The following LBP variants were observed in gnomAD, a reference collection of about 807,000 sequenced individuals.
LBP encodes lipopolysaccharide binding protein, also known as lipopolysaccharide-binding protein.
A neutral mutation model predicts 56.6 loss-of-function variants in LBP; 53 were observed. The observed-to-expected ratio is 0.94, with a 90% CI of 0.75 to 1.18. The LOEUF (loss-of-function observed/expected upper bound fraction) is 1.18. LBP is among the 50% of genes most tolerant of loss of function. The probability of loss-of-function intolerance (pLI) is 0.00; values close to 1 mark genes in which losing one functional copy is unlikely to be tolerated. For missense variants in LBP, 601 were observed against 598.3 expected, an observed-to-expected ratio of 1.00 and a Z score of -0.05; for synonymous variants, 227 against 247.5, an observed-to-expected ratio of 0.92 and a Z score of 0.78.
intron 10 of LBP, 60 bp downstream of exon 10, chr20:38,369,222 C>T: frequency 6.6e-7 from 1 of 1,508,952 alleles, no homozygotes; most frequent in Non-Finnish European, 9.0e-7. Flanking sequence ...TTCCCTTTTC[C>T]CCACATGCTT....
chr20:38,364,726 C>G lies in LBP; in HGVS notation c.895C>G (p.Leu299Val), dbSNP rs771059573. 6.2e-7 allele frequency: 1 copy of G among 1,612,686 alleles called. No individual in the cohort carries two copies. The highest frequency in any genetic ancestry group is 8.5e-7 in the Non-Finnish European group (1 of 1,179,192). The change falls in exon 8 of 15, where the codon CTG (leucine) becomes GTG (valine). Residue 299 changes from leucine (L) to valine (V), a missense_variant. Coordinates refer to ENST00000217407, the MANE Select transcript of LBP (RefSeq NM_004139.5). ...ASLVYHEEGYLNFSITDDMIP... is the reference protein window; with the variant it reads ...ASLVYHEEGYVNFSITDDMIP... Reference sequence around the variant, plus strand: ...CCTGGTTTATCATGAGGAAGGATATCTGAACTTCTCCATCACAGATGACAT... The same window carrying G: ...CCTGGTTTATCATGAGGAAGGATATGTGAACTTCTCCATCACAGATGACAT...
chr20:38,360,198 G>A (rs1009156312), intron 5 of LBP, among the ~76,000 whole-genome samples: 2 of 151,340 alleles, frequency 1.3e-5, no homozygotes, highest in Non-Finnish European at 2.9e-5. Context: ...GTTCACCCAG[G>A]AGGGTGAGCC....
chr20:38,374,077 G>A, intron 14 of LBP, 64 bp downstream of exon 14: 2 of 1,525,864 alleles, frequency 1.3e-6, no homozygotes, highest in Middle Eastern at 2.0e-4. Flanking sequence ...TGCTAGCTTT[G>A]GGGCCATGAT....
In LBP at chr20:38,354,427, C is replaced by T. The variant is rs775716904; in HGVS notation, c.512C>T (p.Ser171Leu). The T allele has an allele frequency of 1.4e-5, 22 of 1,611,554 alleles. No individual in the cohort carries two copies. Among genetic ancestry groups the T allele is most frequent in the Middle Eastern group, 1.6e-4 (1 of 6,068 alleles). The change falls in exon 4 of 15, where the codon TCG (serine) becomes TTG (leucine). Residue 171 changes from serine to leucine, a missense_variant. Ser to Leu is a moderately radical substitution (Grantham distance 145). Coordinates refer to ENST00000217407, the MANE Select transcript of LBP (RefSeq NM_004139.5). ...ATCGCTGACGTGGAGGTGGACATGTCGGGAGACTTGGGGTAGGTCTCCATC... is the reference window on the plus strand; with the variant it reads ...ATCGCTGACGTGGAGGTGGACATGTTGGGAGACTTGGGGTAGGTCTCCATC... ...SDIADVEVDM[S>L]GDLGWLLNLF... is the part of the protein sequence containing the mutation.
At chr20:38,370,505 G>A (rs1568835806) in intron 10 of LBP, among the ~76,000 whole-genome samples, 1 of 152,060 alleles carries the variant, frequency 6.6e-6, no homozygotes, top group Admixed American at 6.6e-5. Flanking sequence ...TCTGTTCAAA[G>A]TTTAACTGCT....
chr20:38,373,813 T>C lies in LBP; in HGVS notation c.1325-124T>C, dbSNP rs144349857. 61 of 819,428 alleles carry C rather than the reference T, an allele frequency of 7.4e-5. No homozygotes were observed. In the African/African-American group the frequency reaches 9.1e-4, roughly 12 times the overall value. The allele number at this position is 819,428 out of a possible 1,614,324, so 50.8% of individuals were successfully genotyped here. ...AAGAATAATCACACCTACCTCATAG[T>C]CTTGGAAATCACTAAATGGGAATAT... On this transcript the variant is annotated intron_variant, in intron 13 of 14. Coordinates refer to ENST00000217407, the MANE Select transcript of LBP (RefSeq NM_004139.5).
In LBP at chr20:38,371,299, G is replaced by T. The variant is rs768703079; in HGVS notation, c.1237G>T (p.Glu413Ter). 7 of 1,610,616 alleles carry T rather than the reference G, an allele frequency of 4.3e-6. No individual in the cohort carries two copies. Among genetic ancestry groups the T allele is most frequent in the Non-Finnish European group, 5.9e-6 (7 of 1,177,224 alleles). The change falls in exon 12 of 15, where the codon GAA becomes TAA. Residue 413 changes from glutamate (E) to a stop codon, truncating the protein, a stop_gained. Transcript: ENST00000217407. LOFTEE classifies it high-confidence loss of function. ...KPGKVKVELK[E>*]SKVGLFNAEL... ...TTACAGGGTAAAAGTGGAACTGAAA[G>T]AATCCAAAGTTGGACTATTCAATGT...
chr20:38,362,171 G>A (rs113123454), intron 6 of LBP, among the ~76,000 whole-genome samples: 15 of 146,180 alleles, frequency 1.0e-4, no homozygotes, highest in African/African-American at 3.6e-4. Flanking sequence ...CCATTCTCCT[G>A]TCTCAGCCTC....
chr20:38,354,358 C>A lies in LBP; in HGVS notation c.443C>A (p.Ser148Tyr). The change falls in exon 4 of 15, where the codon TCC becomes TAC. Residue 148 changes from serine (S) to tyrosine (Y), a missense_variant. By Grantham distance (144) the Ser-to-Tyr change is moderately radical (BLOSUM62 -2). Coordinates refer to ENST00000217407, the MANE Select transcript of LBP (RefSeq NM_004139.5). ...GTCAACCTCCTGTTGGGCAGCGAGT[C>A]CTCCGGGAGGCCCACAGTTACTGCC... Reference protein sequence around the residue: ...ISVNLLLGSESSGRPTVTASS... With the variant: ...ISVNLLLGSEYSGRPTVTASS... 1.2e-6 allele frequency: 2 copies of A among 1,613,734 alleles called. No homozygotes were observed. Among genetic ancestry groups the A allele is most frequent in the African/African-American group, 1.3e-5 (1 of 75,038 alleles).
chr20:38,357,900 G>C (rs2076846851), intron 5 of LBP, among the ~76,000 whole-genome samples: 1 of 152,166 alleles, frequency 6.6e-6, no homozygotes, highest in African/African-American at 2.4e-5. Context: ...ATGTCTTTTA[G>C]CATGCCAATG....
At chr20:38,369,897 G>A (rs2076895391) in intron 10 of LBP, among the ~76,000 whole-genome samples, 1 of 152,188 alleles carries the variant, frequency 6.6e-6, no homozygotes, top group African/African-American at 2.4e-5. Flanking sequence ...TAATAGGGAA[G>A]GGATGTTGGG....
At chr20:38,370,645 T>C in intron 10 of LBP, 93 bp from the exon 11 acceptor site, 1 of 1,133,890 alleles carries the variant, frequency 8.8e-7, no homozygotes, top group Non-Finnish European at 1.3e-6. Context: ...TTGAGCTGTT[T>C]GTTGAGAGGA....
At position 38,374,041 on chromosome 20, in the gene LBP, A is replaced by T. The variant is rs1444828138; in HGVS notation, c.1401+28A>T. ...CGGTGGGTTCAGGGGGGCTCTGAGG[A>T]TGTGTGAGGGAGGAGGTGGTTTGCA... On this transcript the variant is annotated intron_variant, in intron 14 of 14. Transcript: ENST00000217407. 3 of 1,606,078 alleles carry T rather than the reference A, an allele frequency of 1.9e-6. No individual in the cohort carries two copies. In the South Asian group the frequency reaches 3.3e-5, roughly 18 times the overall value.
In LBP at chr20:38,363,958, C is replaced by G. The variant is rs763870354; in HGVS notation, c.653-17C>G. ...AGTGTCATCTGGCCCCTAATTCTGC[C>G]CTGTCCTCATTCACAGTTACAACAG... On this transcript the variant is annotated splice_polypyrimidine_tract_variant and intron_variant, in intron 6 of 14. Transcript: ENST00000217407. 27 of 1,591,198 alleles carry G rather than the reference C, an allele frequency of 1.7e-5. No homozygotes were observed. Among genetic ancestry groups the G allele is most frequent in the Middle Eastern group, 1.7e-4 (1 of 6,038 alleles).
chr20:38,373,234 T>C, intron 13 of LBP, 99 bp downstream of exon 13: 3 of 1,023,106 alleles, frequency 2.9e-6, no homozygotes, highest in South Asian at 2.6e-5. Flanking sequence ...GGGGGCTGTA[T>C]GACCGTGGGC....
At chr20:38,349,429 C>T (rs890912488) in intron 1 of LBP, 119 bp from the exon 2 acceptor site, 56 of 727,638 alleles carry the variant, frequency 7.7e-5, no homozygotes, top group Middle Eastern at 2.5e-4. Flanking sequence ...TGTCATTGTA[C>T]TTAATGCTAA....
Position 38,354,406 on chromosome 20 carries a change from C to T in LBP, c.491C>T (p.Ala164Val), listed in dbSNP as rs2122600060. 1 of 1,613,176 alleles carries T rather than the reference C, an allele frequency of 6.2e-7. No individual in the cohort carries two copies. The highest frequency in any genetic ancestry group is 8.5e-7 in the Non-Finnish European group (1 of 1,179,842). Residue 164 changes from alanine to valine, a missense_variant, in exon 4 of 15, where the codon GCT becomes GTT. By Grantham distance (64) the Ala-to-Val change is moderately conservative. Coordinates refer to ENST00000217407, the MANE Select transcript of LBP (RefSeq NM_004139.5). ...GCCTCCAGCTGCAGCAGTGACATCG[C>T]TGACGTGGAGGTGGACATGTCGGGA... is the stretch of plus-strand genomic sequence containing the variant. Reference protein sequence around the residue: ...VTASSCSSDIADVEVDMSGDL... With the variant: ...VTASSCSSDIVDVEVDMSGDL...
At chr20:38,350,700 G>A in intron 2 of LBP, 111 bp from the exon 3 acceptor site, 1 of 1,263,042 alleles carries the variant, frequency 7.9e-7, no homozygotes, top group Admixed American at 2.3e-5. Context: ...TGCTTACCTG[G>A]AGCAGATCCT....
intron 5 of LBP, 49 bp from the exon 6 acceptor site, chr20:38,360,655 G>T (rs1305119313): frequency 1.5e-6 from 2 of 1,347,594 alleles, no homozygotes; most frequent in African/African-American, 1.4e-5. Flanking sequence ...CACGGGGCCA[G>T]ACCAGAGCTG....
Sources: allele counts gnomAD v4.1 joint callset (sites outside exome capture counted in the v4.1 genomes callset), GRCh38; gene constraint gnomAD v4.1.1; transcripts MANE v1.5; gene names NCBI Gene and HGNC (gene_info 2026-07-23, HGNC 2026-07-21).